SYT16: variants seen among roughly 807,000 people sequenced by gnomAD.
SYT16 encodes the protein synaptotagmin-16.
Under a neutral mutation model 61.4 loss-of-function variants are expected in SYT16, and 42 were observed. The ratio of observed to expected loss-of-function variants is 0.68; its 90% CI spans 0.53 to 0.89. The LOEUF is 0.89. Among genes scored for constraint, SYT16 ranks in the 40% least tolerant of loss-of-function variants. The probability of loss-of-function intolerance (pLI) is 0.00; values close to 1 mark genes in which losing one functional copy is unlikely to be tolerated. For synonymous variants in SYT16, 314 were observed against 302.3 expected (o/e 1.04, Z -0.40); for missense variants, 804 against 807.3 (o/e 1.00, Z 0.05).
intron 3 of SYT16, among the ~76,000 whole-genome samples, chr14:62,045,525 A>C (rs547484169): frequency 6.6e-6 from 1 of 152,144 alleles, no homozygotes; most frequent in Non-Finnish European, 1.5e-5. Context: ...ATATGTATAC[A>C]TGTGCCATGT....
In SYT16 at chr14:61,860,632, T is replaced by C. The variant is rs146832476; in HGVS notation, c.-325+47822T>C. Among the ~76,000 whole-genome samples the C allele has an allele frequency of 4.2e-3, 647 of 152,266 alleles. 7 individuals carry two copies. The highest frequency in any genetic ancestry group is 0.013 in the African/African-American group (554 of 41,566). ...GTATTGGTCTATAATAGATTGGAAATAAAAACATCTAGTCCTCACAGCAGA... is the reference window on the plus strand; with the variant it reads ...GTATTGGTCTATAATAGATTGGAAACAAAAACATCTAGTCCTCACAGCAGA... On this transcript the variant is annotated intron_variant, in intron 1 of 7. Transcript: ENST00000683842.
intron 5 of SYT16, 45 bp from the exon 6 acceptor site, chr14:62,080,789 G>C: frequency 6.5e-7 from 1 of 1,540,702 alleles, no homozygotes; most frequent in East Asian, 2.4e-5. Flanking sequence ...AATGTAATTG[G>C]GTATCATCAT....
At chr14:61,995,012 T>C (rs77023010) in intron 2 of SYT16, among the ~76,000 whole-genome samples, 8 of 152,186 alleles carry the variant, frequency 5.3e-5, no homozygotes, top group East Asian at 1.9e-4. Context: ...AACGTTCATC[T>C]TGAGCTGTTG....
chr14:61,930,700 C>G (rs1399274261), intron 1 of SYT16, among the ~76,000 whole-genome samples: 2 of 151,938 alleles, frequency 1.3e-5, no homozygotes, highest in Admixed American at 6.6e-5. Flanking sequence ...ATAGGGAAAG[C>G]ATGCTGGGTT....
At chr14:62,017,115 TGC>T (rs980517561) in intron 3 of SYT16, among the ~76,000 whole-genome samples, 13 of 152,208 alleles carry the variant, frequency 8.5e-5, no homozygotes, top group Non-Finnish European at 1.8e-4. Context: ...TTTATTGAAT[TGC>T]GGGGATTTAA....
chr14:62,016,048 G>A (rs2053661634), intron 3 of SYT16, among the ~76,000 whole-genome samples: 4 of 152,196 alleles, frequency 2.6e-5, no homozygotes, highest in Non-Finnish European at 5.9e-5. Flanking sequence ...GTGAACAGCT[G>A]TGAATGGGTC....
rs2057537795 is a variant in SYT16 at position 62,107,706 on chromosome 14, T to C, written c.*6999T>C. On this transcript the variant is annotated 3_prime_UTR_variant, in exon 8 of 8. Transcript: ENST00000683842. ...AGGGAAGGTGAAAGTTATTACCCTG[T>C]ATCTAATTAAGAAATAGGTACACTT... The C allele has an allele frequency of 6.6e-6, 1 of 152,188 alleles. No homozygotes were observed. Among genetic ancestry groups the C allele is most frequent in the African/African-American group, 2.4e-5 (1 of 41,446 alleles). 9.4% of individuals were successfully genotyped at this position (152,188 alleles called of 1,614,324 possible).
intron 1 of SYT16, among the ~76,000 whole-genome samples, chr14:61,843,912 T>A (rs2046368967): frequency 6.6e-6 from 1 of 152,188 alleles, no homozygotes; most frequent in East Asian, 1.9e-4. Context: ...CATATAAATT[T>A]TAGGATTTTT....
chr14:61,890,653 A>G (rs2048090139), intron 1 of SYT16, among the ~76,000 whole-genome samples: 1 of 152,158 alleles, frequency 6.6e-6, no homozygotes, highest in South Asian at 2.1e-4. Flanking sequence ...GATATATGAG[A>G]AACTGAGGCC....
intron 3 of SYT16, among the ~76,000 whole-genome samples, chr14:62,062,069 A>G (rs1329513701): frequency 6.6e-6 from 1 of 152,162 alleles, no homozygotes; most frequent in Non-Finnish European, 1.5e-5. Flanking sequence ...TTTGTATGTT[A>G]CTAATTGTAA....
chr14:62,082,666 C>A (rs1046193735), intron 6 of SYT16, among the ~76,000 whole-genome samples: 3 of 152,086 alleles, frequency 2.0e-5, no homozygotes, highest in Non-Finnish European at 4.4e-5. Context: ...TTCTTAATAT[C>A]TGAGTAAAGC....
rs2057583670 is a variant in SYT16, at chr14:62,110,216, A to G, written c.*9509A>G. On this transcript the variant is annotated 3_prime_UTR_variant, in exon 8 of 8. Transcript: ENST00000683842. Reference sequence around the variant, plus strand: ...CCTGTGTTCTGATATCAAATCTTCCACTAATGAGCTCTAAAATGAATATCA... The same window carrying G: ...CCTGTGTTCTGATATCAAATCTTCCGCTAATGAGCTCTAAAATGAATATCA... 1 of 152,196 alleles carries G rather than the reference A, an allele frequency of 6.6e-6. No homozygotes were observed. Among genetic ancestry groups the G allele is most frequent in the Non-Finnish European group, 1.5e-5 (1 of 68,016 alleles). The allele number at this position is 152,196 out of a possible 1,614,324, so 9.4% of individuals were successfully genotyped here. A position where few individuals can be genotyped will look rare whatever the true frequency, so the allele number is the denominator to read the frequency against.
intron 1 of SYT16, among the ~76,000 whole-genome samples, chr14:61,947,168 C>A (rs959806545): frequency 4.0e-5 from 6 of 151,822 alleles, no homozygotes; most frequent in African/African-American, 1.5e-4. Context: ...AAAGCCAGTA[C>A]CGTCAGAATG....
At chr14:61,961,745 A>T (rs1230711551) in intron 1 of SYT16, among the ~76,000 whole-genome samples, 2 of 152,194 alleles carry the variant, frequency 1.3e-5, no homozygotes, top group Admixed American at 6.6e-5. Flanking sequence ...TTACCATTCA[A>T]CCCACCAATC....
At chr14:62,027,532 C>T (rs1367903846) in intron 3 of SYT16, among the ~76,000 whole-genome samples, 1 of 152,194 alleles carries the variant, frequency 6.6e-6, no homozygotes, top group Non-Finnish European at 1.5e-5. Flanking sequence ...TGTTTACTAT[C>T]ATCCTTCTCT....
intron 3 of SYT16, among the ~76,000 whole-genome samples, chr14:62,005,633 G>A (rs2053191885): frequency 1.3e-5 from 2 of 152,168 alleles, no homozygotes; most frequent in African/African-American, 4.8e-5. Context: ...AATAAGAGCA[G>A]TAGAAAATGA....
intron 1 of SYT16, among the ~76,000 whole-genome samples, chr14:61,860,401 G>A (rs1049589270): frequency 6.6e-5 from 10 of 152,184 alleles, no homozygotes; most frequent in Non-Finnish European, 1.3e-4. Context: ...GAAAGAGGAA[G>A]CAAGATGATC....
At chr14:62,013,472 A>G (rs2053546564) in intron 3 of SYT16, among the ~76,000 whole-genome samples, 1 of 152,158 alleles carries the variant, frequency 6.6e-6, no homozygotes, top group Non-Finnish European at 1.5e-5. Context: ...TTATGGGAAA[A>G]TAGGCTGTAT....
intron 1 of SYT16, among the ~76,000 whole-genome samples, chr14:61,817,434 A>G (rs953661635): frequency 6.6e-6 from 1 of 152,070 alleles, no homozygotes; most frequent in African/African-American, 2.4e-5. Flanking sequence ...AAAAAAAAAA[A>G]AAGAATAATG....
Sources: gnomAD v4.1 joint callset for allele counts (sites outside exome capture counted in the v4.1 genomes callset) on GRCh38, gnomAD v4.1.1 for gene constraint, MANE v1.5 for transcripts, NCBI Gene and HGNC (gene_info 2026-07-23, HGNC 2026-07-21) for gene names.